PTPRC: variants seen among roughly 807,000 people sequenced by gnomAD.
PTPRC encodes the protein receptor-type tyrosine-protein phosphatase C.
A neutral mutation model predicts 155.9 loss-of-function variants in PTPRC; 44 were observed. The ratio of observed to expected loss-of-function variants is 0.28; its 90% CI spans 0.22 to 0.36. The LOEUF (loss-of-function observed/expected upper bound fraction) is 0.36. Ranked by LOEUF, PTPRC falls within the 10% of genes least tolerant of loss-of-function variation. PTPRC has a pLI of 1.00. For synonymous variants in PTPRC, 525 were observed against 533.1 expected, an observed-to-expected ratio of 0.98 and a Z score of 0.21; for missense variants, 1,401 against 1,564.6, an observed-to-expected ratio of 0.90 and a Z score of 1.76.
intron 2 of PTPRC, among the ~76,000 whole-genome samples, chr1:198,660,245 AT>A (rs932042406): frequency 6.6e-6 from 1 of 151,478 alleles, no homozygotes; most frequent in Non-Finnish European, 1.5e-5. Flanking sequence ...TAATTTTATC[AT>A]TTTCAAAAGT....
At chr1:198,752,205 T>C (rs754239289) in intron 29 of PTPRC, 44 bp from the exon 30 acceptor site, 3 of 1,589,014 alleles carry the variant, frequency 1.9e-6, no homozygotes, top group Non-Finnish European at 2.6e-6. Flanking sequence ...CCTTTGCATA[T>C]TTCAAATAGG....
At chr1:198,749,643 T>C (rs1435146630) in intron 28 of PTPRC, 94 bp downstream of exon 28, 3 of 1,259,560 alleles carry the variant, frequency 2.4e-6, no homozygotes, top group Non-Finnish European at 2.3e-6. Context: ...TATAAAAGAA[T>C]AATGAGCTTG....
chr1:198,696,668 C>T (rs1057203330), intron 3 of PTPRC, 44 bp from the exon 4 acceptor site: 1 of 1,500,238 alleles, frequency 6.7e-7, no homozygotes, highest in Non-Finnish European at 9.3e-7. Context: ...GGGTATGATT[C>T]ACATATTTAT....
At position 198,684,867 on chromosome 1, in the gene PTPRC, CTCTA is replaced by C. The variant is rs536408175; in HGVS notation, c.74-7476_74-7473del. On this transcript the variant is annotated intron_variant, in intron 2 of 32. Transcript: ENST00000442510. ...CAAGTGCCTCTTTTGTTTATTTGAG[CTCTA>C]TCTTTCTTTCTTATTAGAGGCTTTG... Among the ~76,000 whole-genome samples, 13 of 152,040 alleles carry C rather than the reference CTCTA, an allele frequency of 8.6e-5. No homozygotes were observed. The South Asian group carries it at 1.0e-3, about 12-fold the overall frequency.
chr1:198,709,904 G>T (rs1262920652), intron 11 of PTPRC, 80 bp downstream of exon 11: 4 of 1,549,098 alleles, frequency 2.6e-6, no homozygotes, highest in Non-Finnish European at 3.5e-6. Context: ...CATAGGAAAT[G>T]AATTGTCTTT....
rs576418402 is a variant in PTPRC, at chr1:198,659,079, A to G, written c.73+19738A>G. Among the ~76,000 whole-genome samples the G allele has an allele frequency of 9.2e-5, 14 of 152,316 alleles. No homozygotes were observed. The East Asian group carries it at 2.7e-3, about 29-fold the overall frequency. On this transcript the variant is annotated intron_variant, in intron 2 of 32. Transcript: ENST00000442510. ...TGAATTTGAAGTTGAGAACCAACTTATTTCAAGTAAAATTAAAATTTTGAG... is the reference window on the plus strand; with the variant it reads ...TGAATTTGAAGTTGAGAACCAACTTGTTTCAAGTAAAATTAAAATTTTGAG...
intron 2 of PTPRC, among the ~76,000 whole-genome samples, chr1:198,644,005 G>T (rs1161123228): frequency 6.6e-6 from 1 of 151,854 alleles, no homozygotes; most frequent in African/African-American, 2.4e-5. Flanking sequence ...TTGTACTGAG[G>T]TTGATTCATT....
chr1:198,751,218 A>G (rs2102543827), intron 29 of PTPRC, among the ~76,000 whole-genome samples: 1 of 152,164 alleles, frequency 6.6e-6, no homozygotes, highest in East Asian at 1.9e-4. Context: ...TTCCCATATA[A>G]TATTTATTGC....
intron 2 of PTPRC, among the ~76,000 whole-genome samples, chr1:198,683,173 G>T (rs982906777): frequency 2.0e-5 from 3 of 152,060 alleles, no homozygotes; most frequent in African/African-American, 4.8e-5. Context: ...TACTTTGTAG[G>T]ATTTCTATAA....
At chr1:198,654,484 G>GT (rs1454785438) in intron 2 of PTPRC, among the ~76,000 whole-genome samples, 1 of 151,608 alleles carries the variant, frequency 6.6e-6, no homozygotes, top group Non-Finnish European at 1.5e-5. Flanking sequence ...ACAAGTACTA[G>GT]TTTTTTTAGT....
At chr1:198,683,585 T>C (rs1665457885) in intron 2 of PTPRC, among the ~76,000 whole-genome samples, 1 of 152,108 alleles carries the variant, frequency 6.6e-6, no homozygotes, top group African/African-American at 2.4e-5. Context: ...TTCTCAGTTG[T>C]TCTTAACCCT....
intron 23 of PTPRC, among the ~76,000 whole-genome samples, chr1:198,737,187 T>G (rs2102499146): frequency 6.6e-6 from 1 of 151,870 alleles, no homozygotes; most frequent in Non-Finnish European, 1.5e-5. Context: ...AGAAGCTTTC[T>G]AACTTGATGT....
intron 26 of PTPRC, among the ~76,000 whole-genome samples, chr1:198,746,493 G>C (rs906883298): frequency 1.8e-4 from 27 of 151,804 alleles, no homozygotes; most frequent in Middle Eastern, 3.4e-3. Flanking sequence ...TGAAGTGACT[G>C]TTGGGAGAAG....
At chr1:198,731,467 ATGTT>A (rs1654384193) in intron 17 of PTPRC, 146 bp from the exon 18 acceptor site, 1 of 641,914 alleles carries the variant, frequency 1.6e-6, no homozygotes, top group East Asian at 2.9e-5. Flanking sequence ...TTATAGGTAA[ATGTT>A]TGTATGTGAG....
chr1:198,650,669 A>G (rs1320137007), intron 2 of PTPRC, among the ~76,000 whole-genome samples: 1 of 151,132 alleles, frequency 6.6e-6, no homozygotes, highest in Non-Finnish European at 1.5e-5. Flanking sequence ...GTAGGTCTCA[A>G]CTGGAGACAT....
chr1:198,755,426 A>G (rs1655593588), intron 32 of PTPRC, among the ~76,000 whole-genome samples: 1 of 152,082 alleles, frequency 6.6e-6, no homozygotes, highest in Admixed American at 6.6e-5. Flanking sequence ...CTCTTGCTAT[A>G]AAGAGCTAAT....
chr1:198,725,716 A>ATTG (rs1186239634), intron 15 of PTPRC, among the ~76,000 whole-genome samples: 7 of 151,350 alleles, frequency 4.6e-5, no homozygotes, highest in African/African-American at 1.5e-4. Flanking sequence ...ATTTTTTGTT[A>ATTG]TTGTTGTTGT....
chr1:198,684,445 A>G (rs962185444), intron 2 of PTPRC, among the ~76,000 whole-genome samples: 1 of 151,786 alleles, frequency 6.6e-6, no homozygotes, highest in African/African-American at 2.4e-5. Flanking sequence ...TATTCCTCTC[A>G]TGGCCACAAA....
intron 26 of PTPRC, among the ~76,000 whole-genome samples, chr1:198,745,776 G>A (rs767253332): frequency 4.0e-5 from 6 of 151,626 alleles, no homozygotes; most frequent in Non-Finnish European, 8.8e-5. Flanking sequence ...CGAGTTGAGG[G>A]TGTTTACAAA....
Sources: allele counts gnomAD v4.1 joint callset (sites outside exome capture counted in the v4.1 genomes callset), GRCh38; gene constraint gnomAD v4.1.1; transcripts MANE v1.5; gene names NCBI Gene and HGNC (gene_info 2026-07-23, HGNC 2026-07-21).